The following FANCL variants were observed in gnomAD, a reference collection of about 807,000 sequenced individuals.
The protein encoded by FANCL is FA complementation group L.
In FANCL, 69 loss-of-function variants were observed where a neutral mutation model predicts 59.4. The ratio of observed to expected loss-of-function variants is 1.16; its 90% confidence interval spans 0.96 to 1.42. The LOEUF (loss-of-function observed/expected upper bound fraction) is 1.42, where lower values mean the gene tolerates loss of function less well. Among genes scored for constraint, FANCL ranks in the 40% most tolerant of loss-of-function variants. The probability of loss-of-function intolerance (pLI) is 0.00; values close to 1 mark genes in which losing one functional copy is unlikely to be tolerated. For missense variants in FANCL, 519 were observed against 447.2 expected (o/e 1.16, Z -1.45); for synonymous variants, 180 against 147.1 (o/e 1.22, Z -1.62).
At chr2:58,202,444 C>G (rs540268144) in intron 6 of FANCL, among the ~76,000 whole-genome samples, 2 of 151,074 alleles carry the variant, frequency 1.3e-5, no homozygotes, top group East Asian at 3.9e-4. Flanking sequence ...GAAAGCTAAG[C>G]TAAATTGAGA....
intron 11 of FANCL, 48 bp from the exon 12 acceptor site, chr2:58,161,686 A>C: frequency 8.0e-7 from 1 of 1,244,582 alleles, no homozygotes; most frequent in Non-Finnish European, 1.2e-6. Flanking sequence ...TCACTAACTT[A>C]TTCGTTGTAC....
chr2:58,159,330 A>G lies in FANCL; in HGVS notation c.*435T>C, dbSNP rs1440839237. 4.5e-6 allele frequency: 7 copies of G among 1,562,600 alleles called. No individual in the cohort carries two copies. The highest frequency in any genetic ancestry group is 2.2e-5 in the East Asian group (1 of 44,638). On this transcript the variant is annotated 3_prime_UTR_variant, in exon 14 of 14. Transcript: ENST00000233741. ...ACTCACGTCTAACAAACTAAACTAT[A>G]TATGTATTTTTTCCATAGGAAAGCA...
intron 1 of FANCL, among the ~76,000 whole-genome samples, chr2:58,239,141 C>G (rs545722247): frequency 1.3e-5 from 2 of 152,198 alleles, no homozygotes; most frequent in African/African-American, 4.8e-5. Context: ...TCGACTCAAG[C>G]AAAAGTCAAT....
At chr2:58,195,901 C>T (rs1026576243) in intron 7 of FANCL, among the ~76,000 whole-genome samples, 3 of 152,064 alleles carry the variant, frequency 2.0e-5, no homozygotes, top group African/African-American at 7.2e-5. Flanking sequence ...CCAGCATTTT[C>T]ACTTCTAGGA....
intron 12 of FANCL, 130 bp downstream of exon 12, chr2:58,161,392 A>G (rs1315621491): frequency 4.1e-6 from 3 of 724,774 alleles, no homozygotes; most frequent in African/African-American, 1.7e-5. Context: ...ATAAACTGGT[A>G]AAAGGAGTTA....
At chr2:58,164,946 T>C (rs1436357583) in intron 8 of FANCL, among the ~76,000 whole-genome samples, 1 of 152,070 alleles carries the variant, frequency 6.6e-6, no homozygotes, top group African/African-American at 2.4e-5. Flanking sequence ...GTATAAAGTA[T>C]AAAAATTGCT....
chr2:58,169,426 G>C (rs1047660228), intron 7 of FANCL, among the ~76,000 whole-genome samples: 20 of 152,068 alleles, frequency 1.3e-4, no homozygotes, highest in Admixed American at 5.9e-4. Flanking sequence ...ACCAAACGTA[G>C]ATAAATCCAC....
In FANCL at chr2:58,204,806, A is replaced by T. The variant is rs1403596996; in HGVS notation, c.375-580T>A. Among the ~76,000 whole-genome samples the T allele has an allele frequency of 2.0e-5, 3 of 152,224 alleles. No homozygotes were observed. The East Asian group carries it at 5.8e-4, about 29-fold the overall frequency. On this transcript the variant is annotated intron_variant, in intron 5 of 13. Transcript: ENST00000233741. ...TTCTGCACGATATATAGCTTCTGAC[A>T]CTTAACCTATGCATGTATTCAAGAT...
rs767983260 is a variant in FANCL at position 58,236,050 on chromosome 2, C to CA, written c.97-3939dup. The stretch of plus-strand genomic sequence containing the variant: ...AACACAGAGGACAGAAAAGGAGGAA[C>CA]AAAAAAAAAAAAAGAAAGAAAGAAA... On this transcript the variant is annotated intron_variant, in intron 1 of 13. Coordinates refer to ENST00000233741, the MANE Select transcript of FANCL (RefSeq NM_018062.4). Among the ~76,000 whole-genome samples, 803 of 84,006 alleles carry CA rather than the reference C, an allele frequency of 9.6e-3. 6 individuals are homozygous for CA. The highest frequency in any genetic ancestry group is 0.052 in the East Asian group (168 of 3,252). 55.1% of individuals were successfully genotyped at this position (84,006 alleles called of 152,430 possible).
At chr2:58,235,082 C>T (rs532359670) in intron 1 of FANCL, among the ~76,000 whole-genome samples, 1 of 151,826 alleles carries the variant, frequency 6.6e-6, no homozygotes, top group African/African-American at 2.4e-5. Flanking sequence ...AATATTCTCC[C>T]TGATGTGAGA....
At chr2:58,173,687 A>G (rs1686936406) in intron 7 of FANCL, among the ~76,000 whole-genome samples, 1 of 152,182 alleles carries the variant, frequency 6.6e-6, no homozygotes, top group Non-Finnish European at 1.5e-5. Flanking sequence ...AAATCATGCC[A>G]AATTGTAAAG....
chr2:58,213,021 C>G (rs1201701484), intron 5 of FANCL, among the ~76,000 whole-genome samples: 1 of 151,748 alleles, frequency 6.6e-6, no homozygotes, highest in Non-Finnish European at 1.5e-5. Context: ...TTAGAAATAC[C>G]AAATATGTAA....
intron 13 of FANCL, 126 bp from the exon 14 acceptor site, chr2:58,159,926 G>A: frequency 6.5e-7 from 1 of 1,532,284 alleles, no homozygotes; most frequent in Non-Finnish European, 8.7e-7. Flanking sequence ...TGAAGTTTCA[G>A]ATCACCTAGG....
chr2:58,238,210 G>A (rs1452906163), intron 1 of FANCL, among the ~76,000 whole-genome samples: 1 of 152,076 alleles, frequency 6.6e-6, no homozygotes, highest in Non-Finnish European at 1.5e-5. Flanking sequence ...TTTTATGTGT[G>A]CCCAAGACAA....
rs562695267 is a variant in FANCL, at chr2:58,174,059, A to C, written c.541-8185T>G. On this transcript the variant is annotated intron_variant, in intron 7 of 13. Coordinates refer to ENST00000233741, the MANE Select transcript of FANCL (RefSeq NM_018062.4). The stretch of plus-strand genomic sequence containing the variant: ...CAAAGAAGGCCATTACATAATGGTA[A>C]AGGGATCAATTCAACAAGAGGAGCT... Among the ~76,000 whole-genome samples, 43 of 152,278 alleles carry C rather than the reference A, an allele frequency of 2.8e-4. No individual in the cohort carries two copies. In the South Asian group the frequency reaches 8.9e-3, roughly 32 times the overall value.
At chr2:58,193,367 G>GT (rs1689120645) in intron 7 of FANCL, among the ~76,000 whole-genome samples, 1 of 151,944 alleles carries the variant, frequency 6.6e-6, no homozygotes, top group South Asian at 2.1e-4. Context: ...TTAGTTGCTT[G>GT]TATTTTTCCT....
At chr2:58,218,353 A>T (rs1692051125) in intron 5 of FANCL, among the ~76,000 whole-genome samples, 1 of 151,992 alleles carries the variant, frequency 6.6e-6, no homozygotes, top group Non-Finnish European at 1.5e-5. Flanking sequence ...CAACGCTAAA[A>T]GTTGGGTCTT....
chr2:58,176,862 C>A (rs369534313), intron 7 of FANCL, among the ~76,000 whole-genome samples: 156 of 151,596 alleles, frequency 1.0e-3, no homozygotes, highest in Non-Finnish European at 1.6e-3. Context: ...AATGGGAGAA[C>A]ATTTTCGCAA....
chr2:58,183,277 A>C (rs1288225477), intron 7 of FANCL, among the ~76,000 whole-genome samples: 3 of 151,896 alleles, frequency 2.0e-5, no homozygotes, highest in Admixed American at 2.0e-4. Context: ...CCAAACTCTT[A>C]AGTTTAGAGA....
Sources: allele counts gnomAD v4.1 joint callset (sites outside exome capture counted in the v4.1 genomes callset), GRCh38; gene constraint gnomAD v4.1.1; transcripts MANE v1.5; gene names NCBI Gene and HGNC (gene_info 2026-07-23, HGNC 2026-07-21).